The following STK32A variants were observed in gnomAD, a reference collection of about 807,000 sequenced individuals.
STK32A encodes serine/threonine kinase 32A, also known as serine/threonine-protein kinase 32A.
A neutral mutation model predicts 53.2 loss-of-function variants in STK32A; 41 were observed. That is an observed-to-expected ratio of 0.77 (90% CI 0.60 to 1.00). The LOEUF (loss-of-function observed/expected upper bound fraction) is 1.00, where lower values mean the gene tolerates loss of function less well. Among genes scored for constraint, STK32A ranks in the 50% least tolerant of loss-of-function variants. STK32A has a pLI of 0.00. For missense variants in STK32A, 458 were observed against 485.8 expected (o/e 0.94, Z 0.54); for synonymous variants, 166 against 162.8 (o/e 1.02, Z -0.15).
the STK32A span, among the ~76,000 whole-genome samples, chr5:147,394,647 G>A: frequency 6.6e-6 from 1 of 151,326 alleles, no homozygotes; most frequent in Non-Finnish European, 1.5e-5. Flanking sequence ...GCCTCTAAAA[G>A]CTTAAGAATT....
intron 5 of STK32A, among the ~76,000 whole-genome samples, chr5:147,328,405 G>A (rs1754705895): frequency 6.6e-6 from 1 of 152,162 alleles, no homozygotes; most frequent in Non-Finnish European, 1.5e-5. Flanking sequence ...ACTTTTGGTA[G>A]TTTCCCAAAT....
intron 4 of STK32A, among the ~76,000 whole-genome samples, chr5:147,317,621 A>G (rs954714274): frequency 1.3e-5 from 2 of 152,124 alleles, no homozygotes; most frequent in Admixed American, 1.3e-4. Context: ...CACTGCACCC[A>G]GCCCACCCTT....
chr5:147,251,443 A>G (rs1753993283), intron 2 of STK32A, among the ~76,000 whole-genome samples: 1 of 152,216 alleles, frequency 6.6e-6, no homozygotes, highest in Non-Finnish European at 1.5e-5. Flanking sequence ...ACATAGCAGG[A>G]CTGGACAGAG....
intron 4 of STK32A, among the ~76,000 whole-genome samples, chr5:147,316,743 C>G (rs1032004955): frequency 1.3e-5 from 2 of 150,782 alleles, no homozygotes; most frequent in African/African-American, 4.9e-5. Flanking sequence ...TTAGTCCTAG[C>G]CACTTGAAGG....
chr5:147,401,512 G>A, the STK32A span: 31 of 1,589,468 alleles, frequency 2.0e-5, no homozygotes, highest in South Asian at 1.5e-4. Flanking sequence ...TTCACAAAAC[G>A]CCTGCTGCTG....
intron 4 of STK32A, among the ~76,000 whole-genome samples, chr5:147,279,833 T>C (rs2151955189): frequency 6.6e-6 from 1 of 152,254 alleles, no homozygotes; most frequent in African/African-American, 2.4e-5. Context: ...GATGAGGTCC[T>C]AGGTGAAACC....
chr5:147,251,846 G>A (rs546772376), intron 2 of STK32A, among the ~76,000 whole-genome samples: 1 of 152,248 alleles, frequency 6.6e-6, no homozygotes, highest in South Asian at 2.1e-4. Context: ...GCTTTGCTTA[G>A]CTTCTTCTAC....
At chr5:147,240,924 G>A (rs1341440255) in intron 2 of STK32A, among the ~76,000 whole-genome samples, 1 of 152,200 alleles carries the variant, frequency 6.6e-6, no homozygotes, top group Non-Finnish European at 1.5e-5. Context: ...AAGGTGGAAA[G>A]TAGGAGAGGT....
At chr5:147,292,929 A>C (rs1052267654) in intron 4 of STK32A, among the ~76,000 whole-genome samples, 3 of 152,122 alleles carry the variant, frequency 2.0e-5, no homozygotes, top group African/African-American at 7.2e-5. Context: ...GTTCTGTTTG[A>C]TATTGGGTTA....
chr5:147,276,256 CAT>C (rs753614502), intron 2 of STK32A, among the ~76,000 whole-genome samples: 1 of 152,094 alleles, frequency 6.6e-6, no homozygotes, highest in South Asian at 2.1e-4. Flanking sequence ...AGCCAAAAAA[CAT>C]ATCATGACAT....
At chr5:147,360,299 A>G (rs1480936534) in intron 7 of STK32A, among the ~76,000 whole-genome samples, 1 of 151,574 alleles carries the variant, frequency 6.6e-6, no homozygotes, top group Non-Finnish European at 1.5e-5. Context: ...AAAGCACAAA[A>G]ATTTTACCAA....
At chr5:147,260,641 C>T (rs1410464733) in intron 2 of STK32A, among the ~76,000 whole-genome samples, 1 of 152,058 alleles carries the variant, frequency 6.6e-6, no homozygotes, top group East Asian at 1.9e-4. Flanking sequence ...CCTTGCTGGT[C>T]CCGGGAGGTT....
intron 1 of STK32A, among the ~76,000 whole-genome samples, chr5:147,236,198 T>G (rs1447897106): frequency 2.6e-5 from 4 of 152,114 alleles, no homozygotes; most frequent in Admixed American, 2.0e-4. Context: ...AGGCCAAAGA[T>G]GAAAGGTTGG....
intron 9 of STK32A, among the ~76,000 whole-genome samples, chr5:147,371,727 C>A (rs1757014983): frequency 3.3e-5 from 5 of 152,142 alleles, no homozygotes; most frequent in Admixed American, 3.3e-4. Context: ...GAAGAGGGTC[C>A]AAGCTTGTTT....
intron 2 of STK32A, 49 bp from the exon 3 acceptor site, chr5:147,278,075 A>T (rs969458980): frequency 1.4e-6 from 2 of 1,453,522 alleles, no homozygotes; most frequent in Non-Finnish European, 1.9e-6. Flanking sequence ...ATTAGCTACT[A>T]AAGAGAAATT....
intron 2 of STK32A, among the ~76,000 whole-genome samples, chr5:147,253,968 T>C (rs185819439): frequency 2.6e-5 from 4 of 152,326 alleles, no homozygotes; most frequent in Non-Finnish European, 5.9e-5. Flanking sequence ...CTCCTCCAAG[T>C]GCTAAGCATG....
At chr5:147,301,968 C>T (rs750298340) in intron 4 of STK32A, among the ~76,000 whole-genome samples, 1 of 152,140 alleles carries the variant, frequency 6.6e-6, no homozygotes, top group Non-Finnish European at 1.5e-5. Flanking sequence ...TCATGTTCTC[C>T]TTATTCATCT....
chr5:147,351,777 G>A (rs1755995906), intron 7 of STK32A, among the ~76,000 whole-genome samples: 1 of 152,160 alleles, frequency 6.6e-6, no homozygotes, highest in African/African-American at 2.4e-5. Context: ...AATCTGGGAG[G>A]CGGAGGTTGC....
chr5:147,368,700 T>C (rs2152002253), intron 8 of STK32A, among the ~76,000 whole-genome samples: 1 of 152,258 alleles, frequency 6.6e-6, no homozygotes, highest in Admixed American at 6.5e-5. Flanking sequence ...AAAAATAAGA[T>C]AAAGACAATG....
Sources: allele counts gnomAD v4.1 joint callset (sites outside exome capture counted in the v4.1 genomes callset), GRCh38; gene constraint gnomAD v4.1.1; transcripts MANE v1.5; gene names NCBI Gene and HGNC (gene_info 2026-07-23, HGNC 2026-07-21).